Variants in CANX observed in about 807,000 individuals in gnomAD.
CANX encodes the protein calnexin.
A neutral mutation model predicts 75.7 loss-of-function variants in CANX; 14 were observed. That is an observed-to-expected ratio of 0.19 (90% CI 0.12 to 0.29). The LOEUF is 0.29. CANX is among the 10% of genes least tolerant of loss of function. CANX has a pLI of 1.00. For synonymous variants in CANX, 227 were observed against 236.9 expected (o/e 0.96, Z 0.38); for missense variants, 567 against 713.2 (o/e 0.79, Z 2.34).
At chr5:179,719,233 G>A (rs1778157378) in intron 8 of CANX, among the ~76,000 whole-genome samples, 1 of 152,216 alleles carries the variant, frequency 6.6e-6, no homozygotes, top group African/African-American at 2.4e-5. Flanking sequence ...CACCAGCAGT[G>A]TATGAGGGTT....
At chr5:179,724,837 T>C in intron 13 of CANX, 54 bp downstream of exon 13, 1 of 1,551,576 alleles carries the variant, frequency 6.4e-7, no homozygotes, top group East Asian at 2.4e-5. Context: ...ACGATGTTGT[T>C]AAACCTTTAC....
rs80246920 is a variant in CANX, at chr5:179,693,358, A to G, written c.-3-12321A>G. On this transcript the variant is annotated intron_variant, in intron 1 of 14. Transcript: ENST00000681674. ...AGTTTGAGACCAGCCTGGGCAAGAA[A>G]GTGAGACTCTATCTCTACAAAAAAT... Among the ~76,000 whole-genome samples the G allele has an allele frequency of 1.0e-4, 7 of 67,944 alleles. 1 individual carries two copies. The highest frequency in any genetic ancestry group is 5.2e-4 in the Admixed American group (3 of 5,720). The allele number at this position is 67,944 out of a possible 152,430, so 44.6% of individuals were successfully genotyped here.
intron 1 of CANX, among the ~76,000 whole-genome samples, chr5:179,687,017 TC>T (rs1264656891): frequency 1.3e-5 from 2 of 152,292 alleles, no homozygotes; most frequent in Admixed American, 1.3e-4. Flanking sequence ...CCTCAGGTAA[TC>T]CGTCTGCCTT....
intron 1 of CANX, among the ~76,000 whole-genome samples, chr5:179,688,206 C>T (rs952804905): frequency 5.3e-5 from 8 of 150,062 alleles, no homozygotes; most frequent in East Asian, 4.1e-4. Context: ...TACAGGTTAG[C>T]GCCACCACAC....
chr5:179,699,223 G>A (rs1174430600), intron 1 of CANX, 121 bp downstream of exon 1: 3 of 557,052 alleles, frequency 5.4e-6, no homozygotes, highest in African/African-American at 4.0e-5. Flanking sequence ...GCTCTTGAGG[G>A]CCCAGGCCCT....
In CANX at chr5:179,716,097, T is replaced by G. The variant is rs775699707; in HGVS notation, c.722-8T>G. 2 of 1,583,158 alleles carry G rather than the reference T, an allele frequency of 1.3e-6. No homozygotes were observed. The highest frequency in any genetic ancestry group is 3.4e-5 in the Admixed American group (2 of 59,470). ...AGTACTTTTAATTCCATTTAATGTT[T>G]CTTTCAGTCTTGAATCCAGATAATA... is the stretch of plus-strand genomic sequence containing the variant. On this transcript the variant is annotated splice_region_variant and splice_polypyrimidine_tract_variant and intron_variant, in intron 7 of 14. Transcript: ENST00000247461.
At chr5:179,688,652 T>G (rs1776238622) in intron 1 of CANX, among the ~76,000 whole-genome samples, 2 of 150,386 alleles carry the variant, frequency 1.3e-5, no homozygotes. Context: ...CGTGAGCCAC[T>G]GCGCCCGGCC....
At position 179,705,667 on chromosome 5, in the gene CANX, CTT is replaced by C. The variant is rs1324873480; in HGVS notation, c.-3-10_-3-9del. ...GGCAATACATTTAACTGATTTTGCT[CTT>C]TATGTGTAGATCATGGAAGGGAAGT... On this transcript the variant is annotated splice_polypyrimidine_tract_variant and intron_variant, in intron 1 of 14. Transcript: ENST00000247461. The C allele has an allele frequency of 6.2e-7, 1 of 1,605,782 alleles. No homozygotes were observed.
At chr5:179,710,087 G>T (rs1180762561) in intron 7 of CANX, 22 bp downstream of exon 7, 1 of 1,378,906 alleles carries the variant, frequency 7.3e-7, no homozygotes, top group East Asian at 2.3e-5. Flanking sequence ...CATTAGTTTG[G>T]GGGCTTATGG....
At chr5:179,713,407 T>G (rs1581871203) in intron 7 of CANX, among the ~76,000 whole-genome samples, 2 of 152,172 alleles carry the variant, frequency 1.3e-5, no homozygotes. Context: ...GTAATACATA[T>G]TTAAGGTATA....
At chr5:179,717,123 G>A (rs906111332) in intron 8 of CANX, among the ~76,000 whole-genome samples, 3 of 152,186 alleles carry the variant, frequency 2.0e-5, no homozygotes, top group Admixed American at 1.3e-4. Context: ...ATGTCAGAAA[G>A]TGAACAAAGA....
rs577613536 is a variant in CANX at position 179,707,268 on chromosome 5, G to T, written c.304+78G>T. On this transcript the variant is annotated intron_variant, in intron 4 of 14. Coordinates refer to ENST00000247461, the MANE Select transcript of CANX (RefSeq NM_001746.4). ...GTCTCCATGGCATTTCCTAAGACTA[G>T]TTTAAAAGGACATAGTAGGCTTTAA... 5.8e-6 allele frequency: 5 copies of T among 854,852 alleles called. No individual in the cohort carries two copies. The East Asian group carries it at 1.2e-4, about 21-fold the overall frequency. The allele number at this position is 854,852 out of a possible 1,614,324, so 53.0% of individuals were successfully genotyped here. A position where few individuals can be genotyped will look rare whatever the true frequency, so the allele number is the denominator to read the frequency against.
chr5:179,682,709 CAA>C (rs11461581), intron 1 of CANX, among the ~76,000 whole-genome samples: 3 of 97,916 alleles, frequency 3.1e-5, no homozygotes, highest in Admixed American at 1.2e-4. Flanking sequence ...GACTCTGTCT[CAA>C]AAAAAAAAAA....
At chr5:179,686,039 T>G (rs1054424218) in intron 1 of CANX, among the ~76,000 whole-genome samples, 2 of 152,054 alleles carry the variant, frequency 1.3e-5, no homozygotes, top group Non-Finnish European at 2.9e-5. Context: ...TAACAGCCAA[T>G]GCTATTAAGC....
intron 8 of CANX, among the ~76,000 whole-genome samples, chr5:179,718,559 G>A (rs1437317418): frequency 6.9e-6 from 1 of 145,226 alleles, no homozygotes; most frequent in Admixed American, 6.8e-5. Context: ...ACGGAGCTTC[G>A]CTCTTGTCGC....
rs1471044340 is a variant in CANX at position 179,729,190 on chromosome 5, AG to A, written c.*548del. ...TGCTTCCATTATTGAGTTCCTCCTA[AG>A]GAAATTGAGGAGAGGGACTGAATAG... On this transcript the variant is annotated 3_prime_UTR_variant, in exon 15 of 15. Coordinates refer to ENST00000247461, the MANE Select transcript of CANX (RefSeq NM_001746.4). The A allele has an allele frequency of 1.2e-5, 2 of 164,594 alleles. No homozygotes were observed. The highest frequency in any genetic ancestry group is 4.8e-5 in the African/African-American group (2 of 41,476). The allele number at this position is 164,594 out of a possible 1,614,324, so 10.2% of individuals were successfully genotyped here. A position where few individuals can be genotyped will look rare whatever the true frequency, so the allele number is the denominator to read the frequency against.
rs1454360348 is a variant in CANX, at chr5:179,699,081, C to T, written c.-25C>T. 2 of 1,083,228 alleles carry T rather than the reference C, an allele frequency of 1.8e-6. No individual in the cohort carries two copies. Among genetic ancestry groups the T allele is most frequent in the African/African-American group, 1.7e-5 (1 of 57,738 alleles). The allele number at this position is 1,083,228 out of a possible 1,614,324, so 67.1% of individuals were successfully genotyped here. On this transcript the variant is annotated 5_prime_UTR_variant, in exon 1 of 15. Coordinates refer to ENST00000247461, the MANE Select transcript of CANX (RefSeq NM_001746.4). Reference sequence around the variant, plus strand: ...GGGCGGGAAGGGGCACGGGCACCCCCGCGGTCCCCGGGAGGCTAGAGGTGA... The same window carrying T: ...GGGCGGGAAGGGGCACGGGCACCCCTGCGGTCCCCGGGAGGCTAGAGGTGA...
At chr5:179,717,091 A>G (rs567561701) in intron 8 of CANX, among the ~76,000 whole-genome samples, 11 of 152,304 alleles carry the variant, frequency 7.2e-5, no homozygotes, top group South Asian at 2.1e-4. Context: ...TGAACTTGCA[A>G]CTTCACACAG....
intron 1 of CANX, among the ~76,000 whole-genome samples, chr5:179,689,383 T>TG (rs1361323966): frequency 2.1e-5 from 3 of 140,500 alleles, no homozygotes; most frequent in African/African-American, 7.8e-5. Context: ...CAACAAGTTT[T>TG]TTTTTTTTTT....
Sources: allele counts gnomAD v4.1 joint callset (sites outside exome capture counted in the v4.1 genomes callset), GRCh38; gene constraint gnomAD v4.1.1; transcripts MANE v1.5; gene names NCBI Gene and HGNC (gene_info 2026-07-23, HGNC 2026-07-21).